Variants in KLHDC4 observed in about 807,000 individuals in gnomAD.
KLHDC4 encodes kelch domain containing 4.
In KLHDC4, 90 loss-of-function variants were observed where a neutral mutation model predicts 62.4. The observed-to-expected ratio is 1.44, with a 90% CI of 1.22 to 1.72. The LOEUF is 1.72. Ranked by LOEUF, KLHDC4 falls within the 40% of genes most tolerant of loss-of-function variation. KLHDC4 has a pLI of 0.00. For synonymous variants in KLHDC4, 386 were observed against 284.4 expected, an observed-to-expected ratio of 1.36 and a Z score of -3.59; for missense variants, 1,025 against 699.7, an observed-to-expected ratio of 1.47 and a Z score of -5.25.
At chr16:87,756,560 G>T in intron 2 of KLHDC4, 83 bp from the exon 3 acceptor site, 1 of 1,002,030 alleles carries the variant, frequency 1.0e-6, no homozygotes, top group Non-Finnish European at 1.6e-6. Flanking sequence ...AGAATCCTCT[G>T]TCACCACAAA....
Position 87,765,030 on chromosome 16 carries a change from C to T in KLHDC4, c.99+762G>A, listed in dbSNP as rs1490199654. ...ACTTCATGGTTCACCTGTTGGTCTT[C>T]CTGTCAAATGGGAATACCAGTGCTA... On this transcript the variant is annotated intron_variant, in intron 1 of 11. Transcript: ENST00000270583. The T allele has an allele frequency of 1.8e-5, 8 of 433,236 alleles. No individual in the cohort carries two copies. The East Asian group carries it at 5.0e-4, about 27-fold the overall frequency. 26.8% of individuals were successfully genotyped at this position (433,236 alleles called of 1,614,324 possible).
chr16:87,716,994 G>A (rs1309175895), intron 7 of KLHDC4, among the ~76,000 whole-genome samples: 1 of 152,060 alleles, frequency 6.6e-6, no homozygotes, highest in African/African-American at 2.4e-5. Flanking sequence ...CACTTTGAGA[G>A]TCCAAGGTGG....
intron 2 of KLHDC4, 152 bp from the exon 3 acceptor site, chr16:87,756,629 GC>G: frequency 1.7e-6 from 1 of 596,004 alleles, no homozygotes. Context: ...AAGCAAAGGT[GC>G]CACTTGAACA....
exon 14 of KLHDC4, chr16:87,701,990 AAGCTC>A: frequency 2.2e-6 from 1 of 456,124 alleles, no homozygotes; most frequent in South Asian, 1.5e-5. Context: ...GCCTGCAACA[AAGCTC>A]AGCCCAGCAG....
chr16:87,742,662 G>C lies in KLHDC4; in HGVS notation c.506+6011C>G, dbSNP rs191853983. Among the ~76,000 whole-genome samples, 512 of 152,256 alleles carry C rather than the reference G, an allele frequency of 3.4e-3. 1 individual carries two copies. Among genetic ancestry groups the C allele is most frequent in the Non-Finnish European group, 6.2e-3 (420 of 68,016 alleles). On this transcript the variant is annotated intron_variant, in intron 5 of 11. Transcript: ENST00000270583. ...ACATCAACCTGCTCTGAATGGGACT[G>C]ATGTCCGGAGTGGGAGGGCAGGAAG...
chr16:87,719,069 G>T lies in KLHDC4; in HGVS notation c.760-4496C>A, dbSNP rs556280583. Among the ~76,000 whole-genome samples the T allele has an allele frequency of 1.3e-3, 199 of 150,522 alleles. 1 individual carries two copies. The highest frequency in any genetic ancestry group is 3.6e-3 in the Middle Eastern group (1 of 280). ...GGAGGTGGGGGGCAGCCCCCGCCCG[G>T]CCAGCCGCCCCGTCTGGGAGGGAGG... On this transcript the variant is annotated intron_variant, in intron 7 of 11. Coordinates refer to ENST00000270583, the MANE Select transcript of KLHDC4 (RefSeq NM_017566.4).
chr16:87,706,397 C>T (rs575175543), downstream of KLHDC4, among the ~76,000 whole-genome samples: 13 of 123,242 alleles, frequency 1.1e-4, no homozygotes, highest in Admixed American at 3.4e-4. Context: ...GGGGGTTGGT[C>T]GGCACAACAC....
intron 5 of KLHDC4, among the ~76,000 whole-genome samples, chr16:87,731,913 C>G (rs1332098586): frequency 6.6e-6 from 1 of 152,268 alleles, no homozygotes; most frequent in East Asian, 1.9e-4. Flanking sequence ...ATCTTAAAAA[C>G]ATCTCGCTGA....
chr16:87,746,106 GA>G (rs367562364), intron 5 of KLHDC4, among the ~76,000 whole-genome samples: 14 of 151,286 alleles, frequency 9.3e-5, no homozygotes, highest in African/African-American at 2.4e-4. Context: ...TCTAAAAAAA[GA>G]AAAAAAAATT....
chr16:87,765,928 GA>G lies in KLHDC4; in HGVS notation c.-39del. ...CAAGCCGCGACGGGACACCAGGAAA[GA>G]AAACGGCCCGCGCTCTCCGCTCGGA... is the stretch of plus-strand genomic sequence containing the variant. On this transcript the variant is annotated 5_prime_UTR_variant, in exon 1 of 12. Transcript: ENST00000270583. The G allele has an allele frequency of 6.5e-7, 1 of 1,536,170 alleles. No homozygotes were observed. Among genetic ancestry groups the G allele is most frequent in the Non-Finnish European group, 8.8e-7 (1 of 1,135,902 alleles).
At position 87,714,648 on chromosome 16, in the gene KLHDC4, C is replaced by T. The variant is rs74754173; in HGVS notation, c.760-75G>A. ...CTTACAGACCCCCCAACCCTGTGGG[C>T]GCATTTTGGATGGAAGGGGCTGGAG... On this transcript the variant is annotated intron_variant, in intron 7 of 11. Coordinates refer to ENST00000270583, the MANE Select transcript of KLHDC4 (RefSeq NM_017566.4). 1,585 of 1,516,670 alleles carry T rather than the reference C, an allele frequency of 1.0e-3. 11 individuals carry two copies. The African/African-American group carries it at 0.017, about 16-fold the overall frequency. 94.0% of individuals were successfully genotyped at this position (1,516,670 alleles called of 1,614,324 possible).
At chr16:87,757,754 T>C (rs766945991) in intron 2 of KLHDC4, among the ~76,000 whole-genome samples, 18 of 151,876 alleles carry the variant, frequency 1.2e-4, no homozygotes, top group Non-Finnish European at 2.5e-4. Flanking sequence ...TAGCCAGGCA[T>C]GGTGGTGGGC....
intron 2 of KLHDC4, among the ~76,000 whole-genome samples, chr16:87,758,787 T>C (rs750321112): frequency 2.0e-5 from 3 of 152,224 alleles, no homozygotes; most frequent in Admixed American, 6.5e-5. Context: ...GAGTTTCTAT[T>C]TGGGGTGATA....
intron 5 of KLHDC4, among the ~76,000 whole-genome samples, chr16:87,733,879 G>C (rs755709885): frequency 1.3e-5 from 2 of 152,190 alleles, no homozygotes; most frequent in Non-Finnish European, 2.9e-5. Flanking sequence ...TCTCCACACA[G>C]GTCACAGCAA....
downstream of KLHDC4, among the ~76,000 whole-genome samples, chr16:87,703,715 G>GA (rs2034310866): frequency 6.6e-6 from 1 of 152,170 alleles, no homozygotes; most frequent in South Asian, 2.1e-4. Flanking sequence ...AAACGGGCGT[G>GA]AGCTGGACTC....
chr16:87,719,516 G>A (rs1280686135), intron 7 of KLHDC4, among the ~76,000 whole-genome samples: 1 of 151,948 alleles, frequency 6.6e-6, no homozygotes, highest in African/African-American at 2.4e-5. Context: ...AACTACCCAG[G>A]GACACAAACA....
At chr16:87,755,479 C>A (rs2044729336) in intron 3 of KLHDC4, 187 bp from the exon 4 acceptor site, 3 of 467,516 alleles carry the variant, frequency 6.4e-6, no homozygotes, top group East Asian at 8.2e-5. Context: ...TGAAAACGAC[C>A]GAACGCCCAC....
chr16:87,721,392 G>T (rs1222670850), intron 7 of KLHDC4, among the ~76,000 whole-genome samples: 1 of 144,904 alleles, frequency 6.9e-6, no homozygotes, highest in Admixed American at 7.0e-5. Context: ...CCAGCCTGGG[G>T]GATAGAGCGA....
intron 8 of KLHDC4, among the ~76,000 whole-genome samples, chr16:87,712,706 C>T (rs1479758769): frequency 6.6e-6 from 1 of 152,262 alleles, no homozygotes; most frequent in Non-Finnish European, 1.5e-5. Flanking sequence ...GGTGTGGACT[C>T]AGATTAACCC....
Sources: gnomAD v4.1 joint callset for allele counts (sites outside exome capture counted in the v4.1 genomes callset) on GRCh38, gnomAD v4.1.1 for gene constraint, MANE v1.5 for transcripts, NCBI Gene and HGNC (gene_info 2026-07-23, HGNC 2026-07-21) for gene names.